Variants in GMDS observed in about 807,000 individuals in gnomAD.
GMDS encodes the protein GDP-mannose 4,6 dehydratase.
Under a neutral mutation model 49.9 loss-of-function variants are expected in GMDS, and 20 were observed. That is an observed-to-expected ratio of 0.40 (90% CI 0.28 to 0.58). The LOEUF (loss-of-function observed/expected upper bound fraction) is 0.58. Ranked by LOEUF, GMDS falls within the 20% of genes least tolerant of loss-of-function variation. The pLI is 0.42. For synonymous variants in GMDS, 177 were observed against 178.6 expected, an observed-to-expected ratio of 0.99 and a Z score of 0.07; for missense variants, 362 against 481.4, an observed-to-expected ratio of 0.75 and a Z score of 2.32.
At chr6:1,643,387 C>G (rs1486619546) in intron 9 of GMDS, among the ~76,000 whole-genome samples, 3 of 152,174 alleles carry the variant, frequency 2.0e-5, no homozygotes, top group African/African-American at 7.2e-5. Context: ...GCAGCTGAGC[C>G]CCCGAGGCTC....
intron 6 of GMDS, among the ~76,000 whole-genome samples, chr6:1,932,729 G>A (rs945369993): frequency 6.6e-6 from 1 of 151,830 alleles, no homozygotes; most frequent in Non-Finnish European, 1.5e-5. Flanking sequence ...TAGTAGAGAC[G>A]GGGTTTCACC....
At chr6:2,199,791 AAC>A (rs1210224176) in intron 1 of GMDS, among the ~76,000 whole-genome samples, 1 of 152,220 alleles carries the variant, frequency 6.6e-6, no homozygotes, top group African/African-American at 2.4e-5. Flanking sequence ...TTAAAAGCAG[AAC>A]ACTTGTCTGC....
At chr6:1,683,074 T>C (rs1764840870) in intron 9 of GMDS, among the ~76,000 whole-genome samples, 1 of 152,180 alleles carries the variant, frequency 6.6e-6, no homozygotes, top group Non-Finnish European at 1.5e-5. Flanking sequence ...TCCTGTCTCT[T>C]TGGGACTGGC....
At chr6:2,106,421 C>T (rs1774244629) in intron 4 of GMDS, among the ~76,000 whole-genome samples, 2 of 152,062 alleles carry the variant, frequency 1.3e-5, no homozygotes, top group African/African-American at 2.4e-5. Context: ...TAATATCAAG[C>T]TTTACTATGT....
intron 9 of GMDS, among the ~76,000 whole-genome samples, chr6:1,681,613 C>T (rs897336897): frequency 6.6e-6 from 1 of 152,138 alleles, no homozygotes; most frequent in Non-Finnish European, 1.5e-5. Context: ...CCTGGCAGCC[C>T]CAGGCAGAGA....
At chr6:2,229,699 C>A (rs1780989909) in intron 1 of GMDS, among the ~76,000 whole-genome samples, 1 of 152,180 alleles carries the variant, frequency 6.6e-6, no homozygotes, top group Non-Finnish European at 1.5e-5. Context: ...AATTCAGGTA[C>A]CAGAAATGGG....
At chr6:2,197,485 T>C (rs1052149913) in intron 1 of GMDS, among the ~76,000 whole-genome samples, 2 of 152,188 alleles carry the variant, frequency 1.3e-5, no homozygotes, top group East Asian at 1.9e-4. Context: ...CCCAAGTAAG[T>C]TGCTAAACCT....
intron 4 of GMDS, among the ~76,000 whole-genome samples, chr6:2,097,269 G>T (rs1773658408): frequency 6.6e-6 from 1 of 152,066 alleles, no homozygotes; most frequent in Admixed American, 6.6e-5. Context: ...ACAGAATAAT[G>T]CCTTGTCTGT....
At chr6:1,949,413 T>C in intron 6 of GMDS, among the ~76,000 whole-genome samples, 1 of 152,202 alleles carries the variant, frequency 6.6e-6, no homozygotes, top group Non-Finnish European at 1.5e-5. Flanking sequence ...CATCAGACAG[T>C]TATCAGTTTG....
chr6:1,768,433 A>G (rs1768444419), intron 7 of GMDS, among the ~76,000 whole-genome samples: 2 of 152,232 alleles, frequency 1.3e-5, no homozygotes, highest in Admixed American at 1.3e-4. Context: ...GCTACTACCA[A>G]TATATGACAG....
chr6:2,132,548 A>G (rs1775794454), intron 1 of GMDS, among the ~76,000 whole-genome samples: 1 of 152,200 alleles, frequency 6.6e-6, no homozygotes, highest in South Asian at 2.1e-4. Context: ...CAGCTAATCA[A>G]AATGTTCTTG....
At chr6:1,889,772 A>G (rs1441252296) in intron 7 of GMDS, among the ~76,000 whole-genome samples, 1 of 152,090 alleles carries the variant, frequency 6.6e-6, no homozygotes, top group Non-Finnish European at 1.5e-5. Context: ...GTCGTTCCCC[A>G]TTTCTGGTAC....
At chr6:1,688,089 C>T (rs986230670) in intron 9 of GMDS, among the ~76,000 whole-genome samples, 7 of 152,116 alleles carry the variant, frequency 4.6e-5, no homozygotes, top group African/African-American at 7.2e-5. Context: ...CTTTGTTTAG[C>T]GGGGCTTGGG....
rs957203062 is a variant in GMDS at position 1,766,063 on chromosome 6, C to T, written c.772-23477G>A. Among the ~76,000 whole-genome samples the T allele has an allele frequency of 4.6e-5, 7 of 152,124 alleles. No homozygotes were observed. The highest frequency in any genetic ancestry group is 1.2e-4 in the African/African-American group (5 of 41,414). ...ACGTCCTCTCTCCCAGTGGGCAGAG[C>T]GGCTGCACTATATGAAAACGACACA... On this transcript the variant is annotated intron_variant, in intron 7 of 10. Coordinates refer to ENST00000380815, the MANE Select transcript of GMDS (RefSeq NM_001500.4). This position sits in a 1 kb window ranked among gnomAD's most constrained non-coding sequence, Gnocchi z 4.5.
chr6:1,769,490 T>C (rs1052051650), intron 7 of GMDS, among the ~76,000 whole-genome samples: 2 of 152,212 alleles, frequency 1.3e-5, no homozygotes, highest in African/African-American at 4.8e-5. Flanking sequence ...TTCCCTGCCT[T>C]CCCTTTTGCT....
intron 4 of GMDS, among the ~76,000 whole-genome samples, chr6:2,111,731 A>G (rs1774554265): frequency 6.6e-6 from 1 of 152,232 alleles, no homozygotes; most frequent in Non-Finnish European, 1.5e-5. Context: ...CAAACCAAAT[A>G]ACAAGAAATT....
chr6:1,654,015 C>T (rs554377814), intron 9 of GMDS, among the ~76,000 whole-genome samples: 14 of 152,162 alleles, frequency 9.2e-5, no homozygotes, highest in African/African-American at 3.1e-4. Flanking sequence ...TGCCCAACAT[C>T]GCTACTCATT....
chr6:1,681,646 C>T (rs1186287312), intron 9 of GMDS, among the ~76,000 whole-genome samples: 2 of 152,174 alleles, frequency 1.3e-5, no homozygotes, highest in African/African-American at 4.8e-5. Flanking sequence ...TCACCAGCAA[C>T]CCCCACCATA....
At chr6:1,629,893 G>A (rs973667839) in intron 9 of GMDS, among the ~76,000 whole-genome samples, 1 of 152,146 alleles carries the variant, frequency 6.6e-6, no homozygotes, top group Non-Finnish European at 1.5e-5. Flanking sequence ...AGAAACCAGC[G>A]ACAAAGTCCG....
Sources: gnomAD v4.1 joint callset for allele counts (sites outside exome capture counted in the v4.1 genomes callset) on GRCh38, gnomAD v4.1.1 for gene constraint, Gnocchi (gnomAD v3.1) non-coding constraint, MANE v1.5 for transcripts, NCBI Gene and HGNC (gene_info 2026-07-23, HGNC 2026-07-21) for gene names.